Variants in WARS2 observed in about 807,000 individuals in gnomAD.
WARS2 encodes tryptophanyl tRNA synthetase 2, mitochondrial, also known as tryptophan--tRNA ligase, mitochondrial.
In WARS2, 28 loss-of-function variants were observed where a neutral mutation model predicts 36.5. The ratio of observed to expected loss-of-function variants is 0.77; its 90% CI spans 0.57 to 1.05. The LOEUF is 1.05. Among genes scored for constraint, WARS2 ranks in the 50% least tolerant of loss-of-function variants. The pLI is 0.00. For synonymous variants in WARS2, 174 were observed against 178.4 expected (o/e 0.98, Z 0.20); for missense variants, 435 against 456.8 (o/e 0.95, Z 0.44).
chr1:119,061,330 A>C (rs1045757794), intron 2 of WARS2, among the ~76,000 whole-genome samples: 33 of 152,230 alleles, frequency 2.2e-4, no homozygotes, highest in Non-Finnish European at 2.1e-4. Context: ...CCTGAGATGA[A>C]TAAACAGATA....
intron 1 of WARS2, among the ~76,000 whole-genome samples, chr1:119,136,418 G>A (rs980583936): frequency 3.3e-5 from 5 of 152,118 alleles, no homozygotes; most frequent in Admixed American, 1.3e-4. Context: ...AATAAACTAG[G>A]TCAGTTCACA....
At chr1:119,075,582 T>C (rs771964016) in intron 2 of WARS2, among the ~76,000 whole-genome samples, 1 of 152,226 alleles carries the variant, frequency 6.6e-6, no homozygotes, top group Non-Finnish European at 1.5e-5. Flanking sequence ...CATATATACA[T>C]GCATGTTAAC....
chr1:119,046,034 T>C (rs1177989484), intron 2 of WARS2, among the ~76,000 whole-genome samples: 6 of 151,924 alleles, frequency 3.9e-5, no homozygotes, highest in Non-Finnish European at 1.5e-5. Flanking sequence ...CACACTCACA[T>C]ACTCACACAC....
At chr1:119,048,592 A>C (rs1649056078) in intron 2 of WARS2, among the ~76,000 whole-genome samples, 1 of 152,212 alleles carries the variant, frequency 6.6e-6, no homozygotes, top group African/African-American at 2.4e-5. Flanking sequence ...TGGGGAAAGA[A>C]GGGTGTGGTC....
chr1:119,071,251 A>G (rs2101282302), intron 2 of WARS2, among the ~76,000 whole-genome samples: 1 of 152,332 alleles, frequency 6.6e-6, no homozygotes, highest in East Asian at 1.9e-4. Flanking sequence ...TGAGAAAGTA[A>G]GTTAGTACAG....
chr1:119,061,989 C>A (rs1194915180), intron 2 of WARS2, among the ~76,000 whole-genome samples: 1 of 152,074 alleles, frequency 6.6e-6, no homozygotes, highest in Non-Finnish European at 1.5e-5. Context: ...GTATAGTGAC[C>A]CTTGTAACTG....
At chr1:119,117,323 C>G (rs1655037517) in intron 1 of WARS2, among the ~76,000 whole-genome samples, 1 of 152,176 alleles carries the variant, frequency 6.6e-6, no homozygotes, top group African/African-American at 2.4e-5. Flanking sequence ...CTGCACCCAC[C>G]TGATGGTTTG....
At chr1:119,118,910 C>G (rs1655157121) in intron 1 of WARS2, among the ~76,000 whole-genome samples, 1 of 152,140 alleles carries the variant, frequency 6.6e-6, no homozygotes, top group African/African-American at 2.4e-5. Flanking sequence ...CAAGCCAGCA[C>G]TACAAGAACT....
At chr1:119,119,914 G>C (rs1345734214) in intron 1 of WARS2, among the ~76,000 whole-genome samples, 1 of 152,090 alleles carries the variant, frequency 6.6e-6, no homozygotes, top group Non-Finnish European at 1.5e-5. Context: ...AGCAAAAGCA[G>C]TGCTAAGAGA....
chr1:119,045,995 GCA>G (rs1055692230), intron 2 of WARS2, among the ~76,000 whole-genome samples: 1 of 151,512 alleles, frequency 6.6e-6, no homozygotes, highest in Non-Finnish European at 1.5e-5. Context: ...TATTAAGAAG[GCA>G]CACACACACT....
intron 1 of WARS2, among the ~76,000 whole-genome samples, chr1:119,109,080 G>A (rs1654442841): frequency 6.6e-6 from 1 of 151,952 alleles, no homozygotes; most frequent in Non-Finnish European, 1.5e-5. Flanking sequence ...AAGGTCAGAT[G>A]TTGTAACATT....
intron 1 of WARS2, among the ~76,000 whole-genome samples, chr1:119,124,982 A>C (rs587760169): frequency 1.2e-4 from 19 of 152,346 alleles, no homozygotes; most frequent in Non-Finnish European, 2.6e-4. Context: ...AAGTTACTTA[A>C]CATCTGTTTC....
At chr1:119,109,271 T>C (rs1024421683) in intron 1 of WARS2, among the ~76,000 whole-genome samples, 3 of 151,986 alleles carry the variant, frequency 2.0e-5, no homozygotes, top group African/African-American at 4.8e-5. Context: ...TTACTAATTT[T>C]CTGCCTGCTA....
chr1:119,067,091 G>C (rs1049133671), intron 2 of WARS2, among the ~76,000 whole-genome samples: 3 of 151,698 alleles, frequency 2.0e-5, no homozygotes, highest in Non-Finnish European at 4.4e-5. Context: ...GTATTTAGCA[G>C]TCAAACTAAA....
intron 1 of WARS2, among the ~76,000 whole-genome samples, chr1:119,135,454 G>A (rs1340530284): frequency 6.6e-6 from 1 of 152,184 alleles, no homozygotes; most frequent in African/African-American, 2.4e-5. Context: ...CTGGTAAGGT[G>A]GGAAAAGCAT....
chr1:119,072,707 G>A (rs1340304869), intron 2 of WARS2, among the ~76,000 whole-genome samples: 1 of 152,064 alleles, frequency 6.6e-6, no homozygotes, highest in East Asian at 1.9e-4. Flanking sequence ...GGGTAATTTG[G>A]GTATTAGATG....
In WARS2 at chr1:119,032,743, C is replaced by T; in HGVS notation, c.*168G>A. On this transcript the variant is annotated 3_prime_UTR_variant, in exon 6 of 6. Coordinates refer to ENST00000235521, the MANE Select transcript of WARS2 (RefSeq NM_015836.4). ...CATTTTGTTGATGGGATTTGGAACA[C>T]TGTCGTATTTCAAAGCTACAAAGCA... The T allele has an allele frequency of 1.5e-6, 1 of 662,308 alleles. No individual in the cohort carries two copies. The highest frequency in any genetic ancestry group is 2.5e-6 in the Non-Finnish European group (1 of 400,720). 41.0% of individuals were successfully genotyped at this position (662,308 alleles called of 1,614,324 possible).
At chr1:119,139,475 G>C (rs1321300542) in intron 1 of WARS2, among the ~76,000 whole-genome samples, 1 of 152,126 alleles carries the variant, frequency 6.6e-6, no homozygotes, top group Non-Finnish European at 1.5e-5. Context: ...GAACATTAAC[G>C]TGTCAATCAG....
intron 1 of WARS2, chr1:119,126,926 A>G: frequency 1.3e-6 from 1 of 761,390 alleles, no homozygotes; most frequent in South Asian, 1.4e-5. Flanking sequence ...CACAGAACAG[A>G]TGAAGCAATC....
Sources: allele counts gnomAD v4.1 joint callset (sites outside exome capture counted in the v4.1 genomes callset), GRCh38; gene constraint gnomAD v4.1.1; transcripts MANE v1.5; gene names NCBI Gene and HGNC (gene_info 2026-07-23, HGNC 2026-07-21).